The following NRG1 variants were observed in gnomAD, a reference collection of about 807,000 sequenced individuals.
NRG1 encodes pro-neuregulin-1, membrane-bound isoform.
A neutral mutation model predicts 63.8 loss-of-function variants in NRG1; 18 were observed. That is an observed-to-expected ratio of 0.28 (90% confidence interval 0.19 to 0.42). The LOEUF is 0.42. NRG1 is among the 10% of genes least tolerant of loss of function. NRG1 has a pLI of 1.00. For missense variants in NRG1, 762 were observed against 814.7 expected (o/e 0.94, Z 0.79); for synonymous variants, 302 against 301.3 (o/e 1.00, Z -0.02).
downstream of NRG1, among the ~76,000 whole-genome samples, chr8:32,771,715 A>AAAAAAAATAT (rs1343943621): frequency 5.8e-3 from 652 of 111,776 alleles, 7 homozygotes; most frequent in Non-Finnish European, 7.7e-3. Flanking sequence ...TTAAAAAAAA[A>AAAAAAAATAT]ATATATATAT....
chr8:32,080,563 T>C (rs1296805450), intron 1 of NRG1, among the ~76,000 whole-genome samples: 1 of 152,172 alleles, frequency 6.6e-6, no homozygotes, highest in Non-Finnish European at 1.5e-5. Flanking sequence ...ACTACTAATC[T>C]ATATAAGAGA....
chr8:32,339,865 A>G (rs1803829538), intron 1 of NRG1, among the ~76,000 whole-genome samples: 1 of 152,128 alleles, frequency 6.6e-6, no homozygotes, highest in Non-Finnish European at 1.5e-5. Flanking sequence ...AATAGTCTAC[A>G]TAGGAAAGGC....
chr8:32,179,421 TG>T (rs1841190981), intron 1 of NRG1, among the ~76,000 whole-genome samples: 2 of 152,198 alleles, frequency 1.3e-5, no homozygotes, highest in African/African-American at 4.8e-5. Context: ...AATTACCATT[TG>T]TTTCTACTAC....
intron 1 of NRG1, among the ~76,000 whole-genome samples, chr8:32,197,846 G>A (rs1448988088): frequency 6.6e-6 from 1 of 152,160 alleles, no homozygotes; most frequent in Non-Finnish European, 1.5e-5. Flanking sequence ...GATATTTTAA[G>A]CAGAAGGTTG....
intron 7 of NRG1, among the ~76,000 whole-genome samples, chr8:32,753,490 A>G (rs1183025296): frequency 6.6e-6 from 1 of 152,216 alleles, no homozygotes; most frequent in Non-Finnish European, 1.5e-5. Flanking sequence ...TCATTTGCCA[A>G]GTTGGCCAAC....
intron 1 of NRG1, among the ~76,000 whole-genome samples, chr8:32,463,102 G>A (rs1822536911): frequency 6.6e-6 from 1 of 151,700 alleles, no homozygotes; most frequent in African/African-American, 2.4e-5. Context: ...CACTTAGCAG[G>A]TTCATTCATG....
At chr8:31,869,071 T>C (rs1004420414) in intron 1 of NRG1, among the ~76,000 whole-genome samples, 1 of 152,212 alleles carries the variant, frequency 6.6e-6, no homozygotes, top group Non-Finnish European at 1.5e-5. Flanking sequence ...CTTAAAATGA[T>C]AAGAGCAAAC....
chr8:31,947,306 CAA>C (rs61713691), intron 1 of NRG1, among the ~76,000 whole-genome samples: 212 of 132,596 alleles, frequency 1.6e-3, no homozygotes, highest in Middle Eastern at 7.4e-3. Flanking sequence ...GACTCCGTCT[CAA>C]AAAAAAAAAA....
In NRG1 at chr8:31,849,504, G is replaced by A. The variant is rs78791364; in HGVS notation, c.37+210073G>A. 3.3e-4 allele frequency among the ~76,000 whole-genome samples: 51 copies of A among 152,310 alleles called. No individual in the cohort carries two copies. The East Asian group carries it at 7.3e-3, about 22-fold the overall frequency. On this transcript the variant is annotated intron_variant, in intron 1 of 10. Coordinates refer to the NRG1 transcript ENST00000519301. ...TGACTCACTCTTGGTCACCATGATG[G>A]TGCAACAGCTGTCCACTGGACAAAT...
intron 1 of NRG1, among the ~76,000 whole-genome samples, chr8:32,023,795 G>T (rs1029347656): frequency 5.9e-5 from 9 of 151,484 alleles, no homozygotes; most frequent in Admixed American, 5.3e-4. Context: ...ATTTAATTAC[G>T]ATCAAATAGG....
At chr8:32,298,307 G>T (rs990721255) in intron 1 of NRG1, among the ~76,000 whole-genome samples, 7 of 152,194 alleles carry the variant, frequency 4.6e-5, no homozygotes, top group African/African-American at 7.2e-5. Flanking sequence ...CTGAATCAAG[G>T]CCTGGCAGAA....
chr8:32,490,943 C>T lies in NRG1; in HGVS notation c.38-104885C>T, dbSNP rs561135760. Among the ~76,000 whole-genome samples the T allele has an allele frequency of 1.2e-4, 19 of 152,214 alleles. No individual in the cohort carries two copies. The South Asian group carries it at 3.9e-3, about 32-fold the overall frequency. ...CATCTCCAATCTTACATTTTATTTT[C>T]TTGGTACTTTTGGTCATGGCTGTGT... is the stretch of plus-strand genomic sequence containing the variant. On this transcript the variant is annotated intron_variant, in intron 1 of 10. Coordinates refer to the NRG1 transcript ENST00000519301.
intron 1 of NRG1, among the ~76,000 whole-genome samples, chr8:32,194,082 T>C (rs1014360117): frequency 1.3e-5 from 2 of 152,208 alleles, no homozygotes; most frequent in African/African-American, 2.4e-5. Context: ...TCAACTCTTA[T>C]GTGCTCATCT....
intron 5 of NRG1, among the ~76,000 whole-genome samples, chr8:32,720,463 G>T (rs567378362): frequency 6.6e-6 from 1 of 152,192 alleles, no homozygotes; most frequent in Admixed American, 6.5e-5. Flanking sequence ...TCTAAGTATT[G>T]ATGGAAAAAG....
At chr8:32,581,559 C>T (rs976694696) in intron 1 of NRG1, among the ~76,000 whole-genome samples, 7 of 152,116 alleles carry the variant, frequency 4.6e-5, no homozygotes, top group African/African-American at 1.7e-4. Flanking sequence ...CCCTAACTTC[C>T]AGGAGCCTCT....
chr8:31,687,688 A>G lies in NRG1; in HGVS notation c.37+48257A>G, dbSNP rs1197106938. On this transcript the variant is annotated intron_variant, in intron 1 of 10. Transcript: ENST00000519301. ...TAGGGAGTGCTGTTGGAAACAACACAATGGAAGAGAAAAGAATCAGGATCA... is the reference window on the plus strand; with the variant it reads ...TAGGGAGTGCTGTTGGAAACAACACGATGGAAGAGAAAAGAATCAGGATCA... 2.6e-5 allele frequency among the ~76,000 whole-genome samples: 4 copies of G among 152,380 alleles called. No individual in the cohort carries two copies. The East Asian group carries it at 7.7e-4, about 29-fold the overall frequency.
At chr8:32,560,818 A>G (rs1008657109) in intron 1 of NRG1, among the ~76,000 whole-genome samples, 29 of 151,996 alleles carry the variant, frequency 1.9e-4, no homozygotes, top group Middle Eastern at 3.4e-3. Flanking sequence ...CAACTAAGAA[A>G]TGGATTAAGA....
intron 1 of NRG1, among the ~76,000 whole-genome samples, chr8:32,316,472 CAAAAAAAAA>C (rs60206972): frequency 2.4e-5 from 3 of 125,266 alleles, no homozygotes; most frequent in Non-Finnish European, 3.3e-5. Flanking sequence ...GAGACTCCAT[CAAAAAAAAA>C]AAAAAAAAAA....
chr8:32,613,425 A>G (rs1201969063), intron 3 of NRG1, among the ~76,000 whole-genome samples: 1 of 152,082 alleles, frequency 6.6e-6, no homozygotes, highest in Admixed American at 6.6e-5. Context: ...GCTTAAATTG[A>G]TTCTGCTTAC....
Sources: gnomAD v4.1 joint callset for allele counts (sites outside exome capture counted in the v4.1 genomes callset) on GRCh38, gnomAD v4.1.1 for gene constraint, MANE v1.5 for transcripts, NCBI Gene and HGNC (gene_info 2026-07-23, HGNC 2026-07-21) for gene names.